Variants in SLF2 observed in about 807,000 individuals in gnomAD.
SLF2 encodes the protein SMC5-SMC6 complex localization factor protein 2.
Under a neutral mutation model 124.3 loss-of-function variants are expected in SLF2, and 68 were observed. The observed-to-expected ratio is 0.55, with a 90% confidence interval of 0.45 to 0.67. The LOEUF (loss-of-function observed/expected upper bound fraction) is 0.67. Among genes scored for constraint, SLF2 ranks in the 30% least tolerant of loss-of-function variants. The pLI is 0.00. For synonymous variants in SLF2, 480 were observed against 478.8 expected (o/e 1.00, Z -0.03); for missense variants, 1,246 against 1,373.7 (o/e 0.91, Z 1.47).
At chr10:100,951,734 G>A (rs1181916487) in intron 17 of SLF2, among the ~76,000 whole-genome samples, 1 of 152,164 alleles carries the variant, frequency 6.6e-6, no homozygotes, top group African/African-American at 2.4e-5. Flanking sequence ...CCAGCTTTTA[G>A]CTCGTTTCTT....
chr10:100,948,406 G>A (rs142562670), intron 15 of SLF2, among the ~76,000 whole-genome samples: 1 of 152,220 alleles, frequency 6.6e-6, no homozygotes, highest in African/African-American at 2.4e-5. Context: ...TGAGGCCAGA[G>A]GATCCTTTGA....
Position 100,961,967 on chromosome 10 carries a change from A to G in SLF2, c.*55A>G. 1 of 1,497,932 alleles carries G rather than the reference A, an allele frequency of 6.7e-7. No individual in the cohort carries two copies. The allele number at this position is 1,497,932 out of a possible 1,614,324, so 92.8% of individuals were successfully genotyped here. On this transcript the variant is annotated 3_prime_UTR_variant, in exon 20 of 20. Transcript: ENST00000238961. ...AAGAGAAATTCAATAAGAGCCTTTC[A>G]TAGAGGAGTAGAAAGGATTATTACA...
chr10:100,939,481 C>T (rs2133801131), intron 11 of SLF2, among the ~76,000 whole-genome samples: 1 of 151,808 alleles, frequency 6.6e-6, no homozygotes, highest in South Asian at 2.1e-4. Flanking sequence ...AGTTTGAGAC[C>T]AGTGACCAAC....
intron 17 of SLF2, among the ~76,000 whole-genome samples, chr10:100,952,046 C>G (rs979256931): frequency 1.3e-5 from 2 of 151,992 alleles, no homozygotes; most frequent in African/African-American, 4.8e-5. Context: ...AAGTTCAAGA[C>G]CAGCCTGGCC....
At chr10:100,927,408 A>G (rs1310516893) in intron 6 of SLF2, among the ~76,000 whole-genome samples, 1 of 152,220 alleles carries the variant, frequency 6.6e-6, no homozygotes, top group Non-Finnish European at 1.5e-5. Flanking sequence ...TTCATATAGT[A>G]GCATGTGTCA....
intron 15 of SLF2, among the ~76,000 whole-genome samples, chr10:100,948,466 A>AAT (rs1850147655): frequency 3.3e-5 from 5 of 152,204 alleles, no homozygotes; most frequent in African/African-American, 1.2e-4. Context: ...CCTTGTCTTT[A>AAT]ATATATATAT....
intron 5 of SLF2, among the ~76,000 whole-genome samples, chr10:100,925,437 C>G (rs749570950): frequency 8.5e-5 from 13 of 152,152 alleles, no homozygotes; most frequent in Non-Finnish European, 1.6e-4. Flanking sequence ...CCCAATGGAT[C>G]ACCTTGCACA....
chr10:100,915,642 G>C (rs1315061937), intron 1 of SLF2, among the ~76,000 whole-genome samples: 2 of 152,112 alleles, frequency 1.3e-5, no homozygotes, highest in Admixed American at 6.5e-5. Context: ...AGAACAAGTA[G>C]GTTCATATGC....
chr10:100,951,429 C>G (rs1171447869), intron 17 of SLF2, among the ~76,000 whole-genome samples: 1 of 152,160 alleles, frequency 6.6e-6, no homozygotes, highest in Non-Finnish European at 1.5e-5. Flanking sequence ...TGGCAGCAGG[C>G]TACACAGGAG....
intron 15 of SLF2, among the ~76,000 whole-genome samples, chr10:100,948,600 A>G (rs545406593): frequency 1.3e-5 from 2 of 152,276 alleles, no homozygotes; most frequent in South Asian, 4.1e-4. Flanking sequence ...AACTCACCAT[A>G]GGATGGGCAC....
chr10:100,913,924 A>G, intron 1 of SLF2: 11 of 955,254 alleles, frequency 1.2e-5, no homozygotes, highest in Non-Finnish European at 1.4e-5. Context: ...GTTAAATTGT[A>G]TTAAGTTTTA....
intron 18 of SLF2, among the ~76,000 whole-genome samples, chr10:100,957,531 TTG>T (rs1850356154): frequency 6.6e-6 from 1 of 151,264 alleles, no homozygotes; most frequent in Admixed American, 6.6e-5. Flanking sequence ...TTTTTTTTTT[TTG>T]TATTTTTAGT....
In SLF2 at chr10:100,963,480, C is replaced by G. The variant is rs1564788249; in HGVS notation, c.*1568C>G. ...ATATTATTATCTTGATACTACCTCT[C>G]AAGGGTATTGTTACAAAATGCCACT... On this transcript the variant is annotated 3_prime_UTR_variant, in exon 20 of 20. Coordinates refer to ENST00000238961, the MANE Select transcript of SLF2 (RefSeq NM_018121.4). 2 of 152,540 alleles carry G rather than the reference C, an allele frequency of 1.3e-5. No individual in the cohort carries two copies. The highest frequency in any genetic ancestry group is 6.5e-5 in the Admixed American group (1 of 15,268). 9.4% of individuals were successfully genotyped at this position (152,540 alleles called of 1,614,324 possible).
Position 100,924,584 on chromosome 10 carries a change from C to A in SLF2, c.1583C>A (p.Thr528Asn). ...STKHKEHKAK[T>N]NKADSNVSSG... ...AAACACAAGGAACACAAAGCAAAGACTAATAAGGCCGATTCTAATGTATCT... is the reference window on the plus strand; with the variant it reads ...AAACACAAGGAACACAAAGCAAAGAATAATAAGGCCGATTCTAATGTATCT... The change falls in exon 5 of 20, where the codon ACT (threonine) becomes AAT (asparagine). Residue 528 changes from threonine (T) to asparagine (N), a missense_variant. Thr to Asn is a moderately conservative substitution (Grantham distance 65). Transcript: ENST00000238961. 2.5e-6 allele frequency: 4 copies of A among 1,614,058 alleles called. No individual in the cohort carries two copies. Among genetic ancestry groups the A allele is most frequent in the Non-Finnish European group, 3.4e-6 (4 of 1,180,036 alleles).
chr10:100,914,256 C>T (rs1325021967), intron 1 of SLF2, among the ~76,000 whole-genome samples: 2 of 152,090 alleles, frequency 1.3e-5, no homozygotes, highest in Non-Finnish European at 2.9e-5. Context: ...ACACATTTGG[C>T]CCCAGAAGGT....
chr10:100,925,003 TGAAGAG>T, intron 5 of SLF2, 31 bp downstream of exon 5: 2 of 1,561,344 alleles, frequency 1.3e-6, no homozygotes, highest in Non-Finnish European at 1.7e-6. Context: ...TATCTTTACT[TGAAGAG>T]GGAAAGATGA....
chr10:100,945,343 G>A lies in SLF2; in HGVS notation c.2771G>A (p.Cys924Tyr), dbSNP rs779558298. Residue 924 changes from cysteine to tyrosine, a missense_variant, in exon 13 of 20, where the codon TGT becomes TAT. Physicochemically the swap from Cys to Tyr is radical, Grantham distance 194. Coordinates refer to ENST00000238961, the MANE Select transcript of SLF2 (RefSeq NM_018121.4). ...ILNVVKFLGL[C>Y]TSIHPEGYQD... ...TATGTTAAACAGTTTCTAGGCTTGT[G>A]TACATCTATACATCCAGAAGGTTAC... is the stretch of plus-strand genomic sequence containing the variant. 1 of 1,585,916 alleles carries A rather than the reference G, an allele frequency of 6.3e-7. No individual in the cohort carries two copies. The highest frequency in any genetic ancestry group is 8.5e-7 in the Non-Finnish European group (1 of 1,172,896).
chr10:100,964,743 C>A lies in SLF2; in HGVS notation c.*2831C>A, dbSNP rs537518974. 1 of 152,174 alleles carries A rather than the reference C, an allele frequency of 6.6e-6. No homozygotes were observed. The highest frequency in any genetic ancestry group is 1.5e-5 in the Non-Finnish European group (1 of 68,020). 9.4% of individuals were successfully genotyped at this position (152,174 alleles called of 1,614,324 possible). A position where few individuals can be genotyped will look rare whatever the true frequency, so the allele number is the denominator to read the frequency against. On this transcript the variant is annotated 3_prime_UTR_variant, in exon 20 of 20. Coordinates refer to ENST00000238961, the MANE Select transcript of SLF2 (RefSeq NM_018121.4). Reference sequence around the variant, plus strand: ...GGGACTGGCCAGTAATAATGTGTGGCGTCTTTAAGCCAAGAGTAATTTTTA... The same window carrying A: ...GGGACTGGCCAGTAATAATGTGTGGAGTCTTTAAGCCAAGAGTAATTTTTA...
At chr10:100,919,945 A>G (rs552863110) in intron 4 of SLF2, among the ~76,000 whole-genome samples, 1 of 152,372 alleles carries the variant, frequency 6.6e-6, no homozygotes, top group East Asian at 1.9e-4. Context: ...CATTTTGACC[A>G]AGAACTCTCA....
Sources: allele counts gnomAD v4.1 joint callset (sites outside exome capture counted in the v4.1 genomes callset), GRCh38; gene constraint gnomAD v4.1.1; transcripts MANE v1.5; gene names NCBI Gene and HGNC (gene_info 2026-07-23, HGNC 2026-07-21).